FZD3: variants seen among roughly 807,000 people sequenced by gnomAD.
FZD3 encodes frizzled-3.
FZD3 carries 30 observed loss-of-function variants against 60.7 expected under a neutral mutation model. The ratio of observed to expected loss-of-function variants is 0.49; its 90% CI spans 0.37 to 0.67. FZD3 has a LOEUF of 0.67. Among genes scored for constraint, FZD3 ranks in the 30% least tolerant of loss-of-function variants. FZD3 has a pLI of 0.00. For synonymous variants in FZD3, 246 were observed against 275.2 expected, an observed-to-expected ratio of 0.89 and a Z score of 1.05; for missense variants, 605 against 838.7, an observed-to-expected ratio of 0.72 and a Z score of 3.44.
rs1474135852 is a variant in FZD3 at position 28,566,817 on chromosome 8, T to C, written c.*3806T>C. 1 of 152,210 alleles carries C rather than the reference T, an allele frequency of 6.6e-6. No homozygotes were observed. Among genetic ancestry groups the C allele is most frequent in the African/African-American group, 2.4e-5 (1 of 41,456 alleles). The allele number at this position is 152,210 out of a possible 1,614,324, so 9.4% of individuals were successfully genotyped here. On this transcript the variant is annotated 3_prime_UTR_variant, in exon 8 of 8. Transcript: ENST00000240093. Reference sequence around the variant, plus strand: ...TCCCCTGGGATTGGAATTTTAAGACTCATGATGTCAACTGGGCTGGTCATT... The same window carrying C: ...TCCCCTGGGATTGGAATTTTAAGACCCATGATGTCAACTGGGCTGGTCATT...
intron 3 of FZD3, among the ~76,000 whole-genome samples, chr8:28,513,015 T>C (rs1450511850): frequency 6.6e-6 from 1 of 152,136 alleles, no homozygotes; most frequent in Non-Finnish European, 1.5e-5. Flanking sequence ...GAGATTAATA[T>C]TAATAAGGTG....
chr8:28,524,834 C>A (rs1804675488), intron 4 of FZD3, among the ~76,000 whole-genome samples: 1 of 152,198 alleles, frequency 6.6e-6, no homozygotes. Flanking sequence ...CATTGGAAAT[C>A]TGGCCTCGGT....
rs752629418 is a variant in FZD3 at position 28,566,524 on chromosome 8, A to G, written c.*3513A>G. The G allele has an allele frequency of 2.6e-5, 4 of 152,192 alleles. No individual in the cohort carries two copies. Among genetic ancestry groups the G allele is most frequent in the Non-Finnish European group, 5.9e-5 (4 of 68,010 alleles). 9.4% of individuals were successfully genotyped at this position (152,192 alleles called of 1,614,324 possible). On this transcript the variant is annotated 3_prime_UTR_variant, in exon 8 of 8. Coordinates refer to ENST00000240093, the MANE Select transcript of FZD3 (RefSeq NM_017412.4). Reference sequence around the variant, plus strand: ...TGTCTTCAAATTAGAAAAATTTACTACATTTTAACCTACCTCATCAGTTTC... The same window carrying G: ...TGTCTTCAAATTAGAAAAATTTACTGCATTTTAACCTACCTCATCAGTTTC...
chr8:28,568,083 T>C lies in FZD3; in HGVS notation c.*5072T>C, dbSNP rs1805736732. 6.6e-6 allele frequency: 1 copy of C among 152,002 alleles called. No homozygotes were observed. The highest frequency in any genetic ancestry group is 1.5e-5 in the Non-Finnish European group (1 of 68,016). 9.4% of individuals were successfully genotyped at this position (152,002 alleles called of 1,614,324 possible). ...ACACTATGAGAATTGTTTGTACACA[T>C]TTATAATTTTTTTAAAGTATGTAAA... On this transcript the variant is annotated 3_prime_UTR_variant, in exon 8 of 8. Transcript: ENST00000240093.
chr8:28,522,916 C>G (rs1804622631), intron 4 of FZD3, among the ~76,000 whole-genome samples: 1 of 151,796 alleles, frequency 6.6e-6, no homozygotes, highest in Non-Finnish European at 1.5e-5. Context: ...CTTACAGGTG[C>G]CCACCACCAC....
chr8:28,527,899 G>C lies in FZD3; in HGVS notation c.1139G>C (p.Cys380Ser). The C allele has an allele frequency of 6.2e-7, 1 of 1,614,096 alleles. No individual in the cohort carries two copies. The highest frequency in any genetic ancestry group is 8.5e-7 in the Non-Finnish European group (1 of 1,179,984). The change falls in exon 5 of 8, where the codon TGC becomes TCC. Residue 380 changes from cysteine to serine, a missense_variant. Cys to Ser is a moderately radical substitution (Grantham distance 112). Transcript: ENST00000240093. The surrounding 1 kb of genome is among the most constrained non-coding windows in gnomAD (Gnocchi z 5.0). The stretch of plus-strand genomic sequence containing the variant: ...AGATATTTTGTTCTTGCTCCCCTCT[G>C]CCTGTATGTGGTAGTTGGGGTTTCT... ...ALRYFVLAPL[C>S]LYVVVGVSLL...
intron 3 of FZD3, among the ~76,000 whole-genome samples, chr8:28,518,771 G>A (rs1804498549): frequency 6.6e-6 from 1 of 152,130 alleles, no homozygotes. Context: ...CTCCAGCACA[G>A]CCTAGGCAAA....
chr8:28,512,520 G>A (rs1049829432), intron 3 of FZD3, among the ~76,000 whole-genome samples: 1 of 151,706 alleles, frequency 6.6e-6, no homozygotes, highest in Non-Finnish European at 1.5e-5. Context: ...AAGTTCTAGG[G>A]TACATGTGCA....
intron 5 of FZD3, among the ~76,000 whole-genome samples, chr8:28,549,208 C>G (rs1563403354): frequency 6.6e-6 from 1 of 152,070 alleles, no homozygotes; most frequent in Non-Finnish European, 1.5e-5. Context: ...AGGATACCAG[C>G]CAGATTGGGT....
At chr8:28,505,439 C>A (rs1447984779) in intron 3 of FZD3, among the ~76,000 whole-genome samples, 2 of 152,112 alleles carry the variant, frequency 1.3e-5, no homozygotes, top group South Asian at 2.1e-4. Context: ...ACAGCCTCAA[C>A]CTCCCAGGCT....
At chr8:28,552,013 GA>G (rs1287320280) in intron 6 of FZD3, among the ~76,000 whole-genome samples, 2 of 152,132 alleles carry the variant, frequency 1.3e-5, no homozygotes, top group African/African-American at 4.8e-5. Flanking sequence ...CAATCTTTGT[GA>G]AAAAAATTCA....
At position 28,569,886 on chromosome 8, in the gene FZD3, C is replaced by T. The variant is rs1457598618; in HGVS notation, c.*6875C>T. 1 of 152,036 alleles carries T rather than the reference C, an allele frequency of 6.6e-6. No individual in the cohort carries two copies. Among genetic ancestry groups the T allele is most frequent in the Non-Finnish European group, 1.5e-5 (1 of 67,988 alleles). 9.4% of individuals were successfully genotyped at this position (152,036 alleles called of 1,614,324 possible). On this transcript the variant is annotated 3_prime_UTR_variant, in exon 8 of 8. Coordinates refer to ENST00000240093, the MANE Select transcript of FZD3 (RefSeq NM_017412.4). ...GCCTAAAATTTACACAAAATGTATTCAAGATCAAATTAGTGAACAAAGCAA... is the reference window on the plus strand; with the variant it reads ...GCCTAAAATTTACACAAAATGTATTTAAGATCAAATTAGTGAACAAAGCAA...
chr8:28,504,387 G>A (rs1447697012), intron 3 of FZD3, among the ~76,000 whole-genome samples: 1 of 152,188 alleles, frequency 6.6e-6, no homozygotes, highest in Non-Finnish European at 1.5e-5. Context: ...TCCAGGCATG[G>A]TAGTCTTTGC....
intron 3 of FZD3, among the ~76,000 whole-genome samples, chr8:28,514,492 A>G (rs1159539965): frequency 6.6e-6 from 1 of 152,202 alleles, no homozygotes; most frequent in Non-Finnish European, 1.5e-5. Context: ...CAAGATACAG[A>G]GCATTTCCAT....
At position 28,566,888 on chromosome 8, in the gene FZD3, G is replaced by T. The variant is rs1805714739; in HGVS notation, c.*3877G>T. 1 of 152,088 alleles carries T rather than the reference G, an allele frequency of 6.6e-6. No individual in the cohort carries two copies. Among genetic ancestry groups the T allele is most frequent in the Non-Finnish European group, 1.5e-5 (1 of 68,012 alleles). 9.4% of individuals were successfully genotyped at this position (152,088 alleles called of 1,614,324 possible). The stretch of plus-strand genomic sequence containing the variant: ...TTCTTCAATGTAAAATGTGGATAAG[G>T]TAATTTTTGGTTTTAGCCTCCCTCA... On this transcript the variant is annotated 3_prime_UTR_variant, in exon 8 of 8. Coordinates refer to ENST00000240093, the MANE Select transcript of FZD3 (RefSeq NM_017412.4).
At chr8:28,515,328 T>C (rs1804396317) in intron 3 of FZD3, among the ~76,000 whole-genome samples, 1 of 152,172 alleles carries the variant, frequency 6.6e-6, no homozygotes, top group South Asian at 2.1e-4. Context: ...CTCGGGAGAC[T>C]GAGACAAGTT....
chr8:28,518,669 A>G (rs1485976324), intron 3 of FZD3, among the ~76,000 whole-genome samples: 3 of 151,638 alleles, frequency 2.0e-5, no homozygotes, highest in Admixed American at 1.3e-4. Flanking sequence ...AGTCCTTCCC[A>G]CTTCTTCTCA....
At chr8:28,551,826 A>G (rs1329984687) in intron 6 of FZD3, 75 bp downstream of exon 6, 22 of 1,157,236 alleles carry the variant, frequency 1.9e-5, no homozygotes, top group Non-Finnish European at 2.6e-5. Flanking sequence ...CTTATGTTAA[A>G]ATGACTTGGA....
At chr8:28,559,325 A>C (rs976144819) in intron 7 of FZD3, among the ~76,000 whole-genome samples, 5 of 152,154 alleles carry the variant, frequency 3.3e-5, no homozygotes, top group Non-Finnish European at 7.3e-5. Context: ...TAATACAGGA[A>C]GAAGAACAGT....
Sources: allele counts gnomAD v4.1 joint callset (sites outside exome capture counted in the v4.1 genomes callset), GRCh38; gene constraint gnomAD v4.1.1; non-coding constraint Gnocchi (gnomAD v3.1); transcripts MANE v1.5; gene names NCBI Gene and HGNC (gene_info 2026-07-23, HGNC 2026-07-21).